Variants in KDM3B observed in about 807,000 individuals in gnomAD.
KDM3B encodes lysine demethylase 3B.
KDM3B carries 10 observed loss-of-function variants against 170.0 expected under a neutral mutation model. That is an observed-to-expected ratio of 0.06 (90% CI 0.04 to 0.10). The LOEUF is 0.10. Ranked by LOEUF, KDM3B falls within the 10% of genes least tolerant of loss-of-function variation. KDM3B has a pLI of 1.00. For synonymous variants in KDM3B, 831 were observed against 834.8 expected (o/e 1.00, Z 0.08); for missense variants, 1,394 against 2,195.2 (o/e 0.64, Z 7.29).
At chr5:138,370,497 CAAAA>C (rs893600535) in intron 1 of KDM3B, among the ~76,000 whole-genome samples, 4 of 149,570 alleles carry the variant, frequency 2.7e-5, no homozygotes, top group African/African-American at 4.9e-5. Context: ...TGTATACAAA[CAAAA>C]AAAAAGCCAT....
In KDM3B at chr5:138,375,108, G is replaced by T; in HGVS notation, c.376G>T (p.Val126Leu). 6.2e-7 allele frequency: 1 copy of T among 1,608,348 alleles called. No individual in the cohort carries two copies. The highest frequency in any genetic ancestry group is 8.5e-7 in the Non-Finnish European group (1 of 1,174,982). The change falls in exon 3 of 24, where the codon GTA (valine) becomes TTA (leucine). Residue 126 changes from valine to leucine, a missense_variant. Transcript: ENST00000314358. ...TACTTCACAGACTTTTACTCCCCTT[G>T]TAGATAAACTGGGTTTGGGTTCTGT... Reference protein sequence around the residue: ...QWPALTFTPLVDKLGLGSVVP... With the variant: ...QWPALTFTPLLDKLGLGSVVP...
intron 17 of KDM3B, chr5:138,425,856 A>G (rs1763378387): frequency 3.8e-6 from 1 of 262,890 alleles, no homozygotes; most frequent in South Asian, 5.4e-5. Context: ...AAATACAAAA[A>G]TTAGCTGGGT....
chr5:138,394,864 T>G (rs1762511791), intron 9 of KDM3B, among the ~76,000 whole-genome samples: 1 of 152,048 alleles, frequency 6.6e-6, no homozygotes, highest in Non-Finnish European at 1.5e-5. Context: ...ATTATCCAAG[T>G]GAGAAATGAT....
chr5:138,392,751 T>G (rs1316381442), intron 8 of KDM3B, among the ~76,000 whole-genome samples: 6 of 152,216 alleles, frequency 3.9e-5, no homozygotes, highest in African/African-American at 1.4e-4. Flanking sequence ...TTGTGTGGTG[T>G]GAGGTTATGG....
In KDM3B at chr5:138,398,066, T is replaced by G. The variant is rs1181874027; in HGVS notation, c.2832-112T>G. The G allele has an allele frequency of 7.6e-6, 6 of 787,862 alleles. No homozygotes were observed. In the African/African-American group the frequency reaches 1.0e-4, roughly 14 times the overall value. 48.8% of individuals were successfully genotyped at this position (787,862 alleles called of 1,614,324 possible). A position where few individuals can be genotyped will look rare whatever the true frequency, so the allele number is the denominator to read the frequency against. ...ACTGTTTTGGTCGACTGGTGAAAAT[T>G]CTTAGTCTGATTCCTGTTGTCTCAT... On this transcript the variant is annotated intron_variant, in intron 9 of 23. Coordinates refer to ENST00000314358, the MANE Select transcript of KDM3B (RefSeq NM_016604.4).
At chr5:138,394,161 A>G (rs1762497134) in intron 9 of KDM3B, among the ~76,000 whole-genome samples, 1 of 152,154 alleles carries the variant, frequency 6.6e-6, no homozygotes. Context: ...CCGAAGCAGA[A>G]GGATCACTTG....
chr5:138,421,084 G>A (rs896721878), intron 15 of KDM3B, 122 bp downstream of exon 15: 51 of 1,179,632 alleles, frequency 4.3e-5, no homozygotes, highest in South Asian at 3.9e-4. Context: ...AGCTGACAAG[G>A]TCTCTCTTTA....
intron 7 of KDM3B, among the ~76,000 whole-genome samples, chr5:138,390,739 G>A (rs17171819): frequency 1.9e-3 from 296 of 152,218 alleles, no homozygotes; most frequent in African/African-American, 6.8e-3. Flanking sequence ...GCACTGTGAC[G>A]ACCAATTGGA....
chr5:138,383,633 T>A (rs1561767872), intron 6 of KDM3B, among the ~76,000 whole-genome samples: 1 of 152,358 alleles, frequency 6.6e-6, no homozygotes, highest in East Asian at 1.9e-4. Flanking sequence ...CAGAGTTCAC[T>A]GATTGTGATC....
chr5:138,373,993 TG>T (rs1160343384), intron 2 of KDM3B, among the ~76,000 whole-genome samples: 1 of 152,172 alleles, frequency 6.6e-6, no homozygotes. Context: ...TTTTGTCTTT[TG>T]TTTTTTGTTT....
intron 11 of KDM3B, among the ~76,000 whole-genome samples, chr5:138,408,611 G>T (rs1198037216): frequency 6.6e-6 from 1 of 152,026 alleles, no homozygotes. Context: ...ATAAAGACAT[G>T]AGAAGCATAG....
chr5:138,429,361 C>T (rs965346086), intron 20 of KDM3B, among the ~76,000 whole-genome samples: 1 of 152,088 alleles, frequency 6.6e-6, no homozygotes, highest in African/African-American at 2.4e-5. Flanking sequence ...CTACATTTGC[C>T]TTGGATTTTG....
intron 11 of KDM3B, among the ~76,000 whole-genome samples, chr5:138,411,419 T>C (rs2126978849): frequency 6.6e-6 from 1 of 152,338 alleles, no homozygotes; most frequent in Non-Finnish European, 1.5e-5. Flanking sequence ...AAGATCTATA[T>C]CTGGTATAAC....
intron 11 of KDM3B, among the ~76,000 whole-genome samples, chr5:138,402,121 G>A (rs1326767770): frequency 6.6e-6 from 1 of 151,842 alleles, no homozygotes; most frequent in East Asian, 1.9e-4. Context: ...ATGGAGTCTC[G>A]CTACATTGCC....
chr5:138,436,224 G>A lies in KDM3B; in HGVS notation c.*524G>A, dbSNP rs1763670255. The A allele has an allele frequency of 6.5e-6, 1 of 153,310 alleles. No individual in the cohort carries two copies. The highest frequency in any genetic ancestry group is 1.5e-5 in the Non-Finnish European group (1 of 68,898). 9.5% of individuals were successfully genotyped at this position (153,310 alleles called of 1,614,324 possible). A position where few individuals can be genotyped will look rare whatever the true frequency, so the allele number is the denominator to read the frequency against. The stretch of plus-strand genomic sequence containing the variant: ...CCCACACTCTCCTGTGAACACTGGA[G>A]TCTTGCAAGACCCAGGGAGAACCCA... On this transcript the variant is annotated 3_prime_UTR_variant, in exon 24 of 24. Coordinates refer to ENST00000314358, the MANE Select transcript of KDM3B (RefSeq NM_016604.4).
intron 17 of KDM3B, among the ~76,000 whole-genome samples, chr5:138,426,185 G>A (rs902231452): frequency 5.3e-5 from 8 of 152,176 alleles, no homozygotes; most frequent in African/African-American, 1.2e-4. Flanking sequence ...TAGAATCCCC[G>A]TAAGATGGAA....
intron 5 of KDM3B, among the ~76,000 whole-genome samples, chr5:138,380,466 G>A (rs1762100339): frequency 6.6e-6 from 1 of 151,564 alleles, no homozygotes; most frequent in South Asian, 2.1e-4. Context: ...TATATAGTGA[G>A]CATTTTTGTA....
At chr5:138,428,731 A>C (rs527862670) in intron 20 of KDM3B, among the ~76,000 whole-genome samples, 2 of 152,254 alleles carry the variant, frequency 1.3e-5, no homozygotes, top group African/African-American at 4.8e-5. Context: ...TTCTGACCTG[A>C]CCTATCAGCC....
chr5:138,366,959 A>G (rs530051300), intron 1 of KDM3B, among the ~76,000 whole-genome samples: 3 of 152,178 alleles, frequency 2.0e-5, no homozygotes, highest in Non-Finnish European at 4.4e-5. Context: ...GCCTCCTCCT[A>G]CTACTACTCC....
Sources: allele counts gnomAD v4.1 joint callset (sites outside exome capture counted in the v4.1 genomes callset), GRCh38; gene constraint gnomAD v4.1.1; transcripts MANE v1.5; gene names NCBI Gene and HGNC (gene_info 2026-07-23, HGNC 2026-07-21).